Variants in DYRK1A observed in about 807,000 individuals in gnomAD.
The protein encoded by DYRK1A is dual specificity tyrosine-phosphorylation-regulated kinase 1A.
Under a neutral mutation model 79.7 loss-of-function variants are expected in DYRK1A, and 9 were observed. That is an observed-to-expected ratio of 0.11 (90% CI 0.07 to 0.20). The LOEUF is 0.20. Ranked by LOEUF, DYRK1A falls within the 10% of genes least tolerant of loss-of-function variation. The probability of loss-of-function intolerance (pLI) is 1.00; values close to 1 mark genes in which losing one functional copy is unlikely to be tolerated. For synonymous variants in DYRK1A, 349 were observed against 329.7 expected, an observed-to-expected ratio of 1.06 and a Z score of -0.63; for missense variants, 622 against 956.0, an observed-to-expected ratio of 0.65 and a Z score of 4.61.
chr21:37,392,004 C>T (rs1459970037), intron 1 of DYRK1A, among the ~76,000 whole-genome samples: 1 of 152,352 alleles, frequency 6.6e-6, no homozygotes, highest in South Asian at 2.1e-4. Context: ...ATTTAACCCT[C>T]AAAGCAACTC....
At chr21:37,460,580 G>A (rs980835672) in intron 2 of DYRK1A, among the ~76,000 whole-genome samples, 22 of 152,230 alleles carry the variant, frequency 1.4e-4, no homozygotes, top group Middle Eastern at 6.8e-3. Flanking sequence ...GAGACATTGC[G>A]TGTCTTTGTT....
rs975293151 is a variant in DYRK1A at position 37,515,952 on chromosome 21, T to C, written c.*3421T>C. The C allele has an allele frequency of 4.6e-5, 7 of 152,234 alleles. No homozygotes were observed. Among genetic ancestry groups the C allele is most frequent in the African/African-American group, 9.6e-5 (4 of 41,462 alleles). The allele number at this position is 152,234 out of a possible 1,614,324, so 9.4% of individuals were successfully genotyped here. On this transcript the variant is annotated 3_prime_UTR_variant, in exon 12 of 12. Coordinates refer to ENST00000647188, the MANE Select transcript of DYRK1A (RefSeq NM_001347721.2). ...CCCCTGTACTGCTTCCCAGCTTTTG[T>C]GGTGTTGAACTTTTCTGTTCTTCCA...
chr21:37,367,722 A>C, intron 1 of DYRK1A, 94 bp downstream of exon 1: 1 of 138,526 alleles, frequency 7.2e-6, no homozygotes, highest in Non-Finnish European at 1.6e-5. Context: ...GGCCGGGCGG[A>C]GGGAGGGACC....
In DYRK1A at chr21:37,514,542, G is replaced by A. The variant is rs1422542989; in HGVS notation, c.*2011G>A. 1 of 152,538 alleles carries A rather than the reference G, an allele frequency of 6.6e-6. No homozygotes were observed. The highest frequency in any genetic ancestry group is 2.1e-4 in the South Asian group (1 of 4,828). 9.4% of individuals were successfully genotyped at this position (152,538 alleles called of 1,614,324 possible). A position where few individuals can be genotyped will look rare whatever the true frequency, so the allele number is the denominator to read the frequency against. On this transcript the variant is annotated 3_prime_UTR_variant, in exon 12 of 12. Coordinates refer to ENST00000647188, the MANE Select transcript of DYRK1A (RefSeq NM_001347721.2). ...AGGTCAATTTTTTTTCTGAACAAAA[G>A]CAGGTTTTTATATGTAAACAGTGAG...
At chr21:37,374,850 G>C (rs1328974218) in intron 1 of DYRK1A, among the ~76,000 whole-genome samples, 1 of 152,244 alleles carries the variant, frequency 6.6e-6, no homozygotes, top group Non-Finnish European at 1.5e-5. Flanking sequence ...ACTGGGCCTA[G>C]CTGGAATCTG....
chr21:37,406,538 T>C (rs1306033535), intron 1 of DYRK1A, among the ~76,000 whole-genome samples: 1 of 151,860 alleles, frequency 6.6e-6, no homozygotes, highest in Non-Finnish European at 1.5e-5. Context: ...GTACTAAAAA[T>C]ACAAAAACTA....
At chr21:37,470,400 GATA>G (rs1481963948) in intron 2 of DYRK1A, among the ~76,000 whole-genome samples, 3 of 152,154 alleles carry the variant, frequency 2.0e-5, no homozygotes, top group Admixed American at 6.5e-5. Context: ...CAGTGACATA[GATA>G]ATAAAAACAG....
At position 37,417,538 on chromosome 21, in the gene DYRK1A, T is replaced by TTCTTTTTC. The variant is rs372913876; in HGVS notation, c.-76-2760_-76-2759insCTTTTTCT. ...TTTTCTTTTTCTTTTTCTTTTTTTT[T>TTCTTTTTC]TTTTTTTTTTTTTTTTACAAATCTT... On this transcript the variant is annotated intron_variant, in intron 1 of 11. Coordinates refer to ENST00000647188, the MANE Select transcript of DYRK1A (RefSeq NM_001347721.2). Among the ~76,000 whole-genome samples the TTCTTTTTC allele has an allele frequency of 7.8e-3, 779 of 99,802 alleles. 3 individuals are homozygous for TTCTTTTTC. The highest frequency in any genetic ancestry group is 0.018 in the Middle Eastern group (4 of 224). 65.5% of individuals were successfully genotyped at this position (99,802 alleles called of 152,430 possible). A position where few individuals can be genotyped will look rare whatever the true frequency, so the allele number is the denominator to read the frequency against.
At chr21:37,473,497 G>A (rs1186079634) in intron 3 of DYRK1A, among the ~76,000 whole-genome samples, 1 of 152,052 alleles carries the variant, frequency 6.6e-6, no homozygotes, top group Non-Finnish European at 1.5e-5. Context: ...TAACTGCACC[G>A]TCTACGTTGA....
At chr21:37,469,248 C>G (rs1462736573) in intron 2 of DYRK1A, among the ~76,000 whole-genome samples, 1 of 152,148 alleles carries the variant, frequency 6.6e-6, no homozygotes, top group East Asian at 1.9e-4. Context: ...ACCAGAAAAA[C>G]AACAGGACAG....
At chr21:37,380,331 T>G (rs2049631430) in intron 1 of DYRK1A, among the ~76,000 whole-genome samples, 1 of 152,364 alleles carries the variant, frequency 6.6e-6, no homozygotes, top group Middle Eastern at 3.4e-3. Context: ...AAGATTGTTT[T>G]GTAAAAGTTT....
chr21:37,427,584 A>G (rs891013410), intron 2 of DYRK1A, among the ~76,000 whole-genome samples: 3 of 152,180 alleles, frequency 2.0e-5, no homozygotes, highest in African/African-American at 7.2e-5. Context: ...TTAAGTGGAT[A>G]CTATTATCGT....
In DYRK1A at chr21:37,459,250, T is replaced by C. The variant is rs557814964; in HGVS notation, c.11-13434T>C. Among the ~76,000 whole-genome samples, 41 of 152,362 alleles carry C rather than the reference T, an allele frequency of 2.7e-4. No homozygotes were observed. In the Middle Eastern group the frequency reaches 0.01, roughly 38 times the overall value. Reference sequence around the variant, plus strand: ...CTTGAAAGAATTAGTTCCTCTGTTATAATCACTGTAGTGTCAGTTGGAATG... The same window carrying C: ...CTTGAAAGAATTAGTTCCTCTGTTACAATCACTGTAGTGTCAGTTGGAATG... On this transcript the variant is annotated intron_variant, in intron 2 of 11. Transcript: ENST00000647188.
chr21:37,411,046 CTT>C (rs1339216627), intron 1 of DYRK1A, among the ~76,000 whole-genome samples: 9 of 39,810 alleles, frequency 2.3e-4, no homozygotes, highest in African/African-American at 9.1e-4. Flanking sequence ...GAGATTCTGT[CTT>C]TAAAAAAAAA....
At chr21:37,416,853 C>A (rs565732242) in intron 1 of DYRK1A, among the ~76,000 whole-genome samples, 1 of 151,996 alleles carries the variant, frequency 6.6e-6, no homozygotes. Flanking sequence ...GTGAAATATG[C>A]GAGCATTTAT....
chr21:37,469,788 G>A (rs1444930507), intron 2 of DYRK1A, among the ~76,000 whole-genome samples: 7 of 152,082 alleles, frequency 4.6e-5, no homozygotes, highest in Non-Finnish European at 7.3e-5. Context: ...ACCTCCTACC[G>A]GGGCCCTCCT....
chr21:37,452,753 T>G, intron 2 of DYRK1A, among the ~76,000 whole-genome samples: 1 of 115,364 alleles, frequency 8.7e-6, no homozygotes, highest in Non-Finnish European at 1.7e-5. Context: ...GATCTCACAC[T>G]CCCGTTTTTT....
intron 8 of DYRK1A, 67 bp downstream of exon 8, chr21:37,493,230 G>T: frequency 6.7e-7 from 1 of 1,496,202 alleles, no homozygotes; most frequent in Non-Finnish European, 9.1e-7. Flanking sequence ...CTGTGACAGT[G>T]TAATTTAAAA....
At position 37,519,305 on chromosome 21, in the gene DYRK1A, C is replaced by G. The variant is rs1228444334; in HGVS notation, c.*6774C>G. ...CCCTCTCTAGAATCCCAAAGAGGTT[C>G]AGATCCCACTGCTCCTCTCATTGGC... On this transcript the variant is annotated 3_prime_UTR_variant, in exon 12 of 12. Transcript: ENST00000647188. 6.6e-6 allele frequency: 1 copy of G among 152,272 alleles called. No individual in the cohort carries two copies. Among genetic ancestry groups the G allele is most frequent in the African/African-American group, 2.4e-5 (1 of 41,458 alleles). 9.4% of individuals were successfully genotyped at this position (152,272 alleles called of 1,614,324 possible).
Sources: gnomAD v4.1 joint callset for allele counts (sites outside exome capture counted in the v4.1 genomes callset) on GRCh38, gnomAD v4.1.1 for gene constraint, MANE v1.5 for transcripts, NCBI Gene and HGNC (gene_info 2026-07-23, HGNC 2026-07-21) for gene names.